Variants in CGNL1 observed in about 807,000 individuals in gnomAD.
The protein encoded by CGNL1 is cingulin like 1.
CGNL1 carries 132 observed loss-of-function variants against 141.2 expected under a neutral mutation model. The ratio of observed to expected loss-of-function variants is 0.93; its 90% confidence interval spans 0.81 to 1.08. The LOEUF (loss-of-function observed/expected upper bound fraction) is 1.08. CGNL1 is among the 50% of genes least tolerant of loss of function. CGNL1 has a pLI of 0.00. For synonymous variants in CGNL1, 690 were observed against 622.1 expected (o/e 1.11, Z -1.63); for missense variants, 1,870 against 1,588.6 (o/e 1.18, Z -3.01).
At position 57,523,584 on chromosome 15, in the gene CGNL1, C is replaced by T. The variant is rs150883802; in HGVS notation, c.2811C>T (p.Asn937=). Residue 937 remains asparagine (N), a synonymous_variant, in exon 11 of 19, where the codon AAC becomes AAT. Transcript: ENST00000281282. ...EQKEQLRRLK[N]EMENERWHLG... Reference sequence around the variant, plus strand: ...AGGAGCAGCTAAGAAGGTTGAAGAACGAGATGGAGAATGAGCGGTGGCACC... The same window carrying T: ...AGGAGCAGCTAAGAAGGTTGAAGAATGAGATGGAGAATGAGCGGTGGCACC... 17,307 of 1,613,992 alleles carry T rather than the reference C, an allele frequency of 0.011. 143 individuals carry two copies. The highest frequency in any genetic ancestry group is 0.016 in the Middle Eastern group (99 of 6,062).
chr15:57,431,868 T>C (rs1210055760), intron 1 of CGNL1, among the ~76,000 whole-genome samples: 1 of 152,212 alleles, frequency 6.6e-6, no homozygotes, highest in Non-Finnish European at 1.5e-5. Context: ...TTTTAGCTCA[T>C]GTTTATCATC....
chr15:57,414,681 A>ACAACAACAACAAC (rs56102001), intron 1 of CGNL1, among the ~76,000 whole-genome samples: 3 of 136,956 alleles, frequency 2.2e-5, no homozygotes, highest in Non-Finnish European at 4.9e-5. Flanking sequence ...AACAACAACA[A>ACAACAACAACAAC]ACCAACAAAA....
intron 1 of CGNL1, among the ~76,000 whole-genome samples, chr15:57,390,601 C>T (rs2062531843): frequency 6.6e-6 from 1 of 152,168 alleles, no homozygotes; most frequent in East Asian, 1.9e-4. Context: ...CGGAAGAGAG[C>T]AGTTTGGGCC....
intron 1 of CGNL1, among the ~76,000 whole-genome samples, chr15:57,420,492 G>T (rs970417941): frequency 2.0e-5 from 3 of 152,192 alleles, no homozygotes; most frequent in Non-Finnish European, 4.4e-5. Context: ...CACTCCAGCA[G>T]TAAGCAGACT....
intron 1 of CGNL1, among the ~76,000 whole-genome samples, chr15:57,408,683 T>C (rs1247982142): frequency 1.3e-5 from 2 of 152,056 alleles, no homozygotes; most frequent in East Asian, 3.9e-4. Flanking sequence ...TTAGTGTCCT[T>C]TTCTGTCAAT....
At chr15:57,448,552 G>T (rs748081716) in intron 4 of CGNL1, among the ~76,000 whole-genome samples, 2 of 152,028 alleles carry the variant, frequency 1.3e-5, no homozygotes, top group Non-Finnish European at 2.9e-5. Flanking sequence ...GGAGGCTGAG[G>T]CAGGAGAATT....
chr15:57,460,820 A>G (rs1187522757), intron 7 of CGNL1, among the ~76,000 whole-genome samples: 21 of 152,168 alleles, frequency 1.4e-4, no homozygotes, highest in Non-Finnish European at 2.9e-5. Flanking sequence ...GAGCCAAACC[A>G]TGTCAATAAC....
At chr15:57,409,686 T>C (rs1430108009) in intron 1 of CGNL1, among the ~76,000 whole-genome samples, 1 of 152,162 alleles carries the variant, frequency 6.6e-6, no homozygotes, top group Non-Finnish European at 1.5e-5. Flanking sequence ...AGTTGACTGA[T>C]GCCATGTTCC....
intron 1 of CGNL1, among the ~76,000 whole-genome samples, chr15:57,384,583 AATT>A (rs1388033906): frequency 2.0e-5 from 3 of 152,168 alleles, no homozygotes; most frequent in Non-Finnish European, 1.5e-5. Context: ...TTCTTCAACA[AATT>A]ATTGATAGCC....
chr15:57,389,919 G>A (rs1034300617), intron 1 of CGNL1, among the ~76,000 whole-genome samples: 2 of 151,912 alleles, frequency 1.3e-5, no homozygotes, highest in East Asian at 1.9e-4. Context: ...GGGTCCAAGC[G>A]ATTCTTCTAT....
chr15:57,475,723 A>C (rs1465335523), intron 8 of CGNL1, among the ~76,000 whole-genome samples: 1 of 151,952 alleles, frequency 6.6e-6, no homozygotes, highest in Non-Finnish European at 1.5e-5. Flanking sequence ...GTCTTTTCTG[A>C]CCTGCTGTCC....
At chr15:57,458,702 AAGCAAC>A (rs2063409434) in intron 7 of CGNL1, among the ~76,000 whole-genome samples, 1 of 152,184 alleles carries the variant, frequency 6.6e-6, no homozygotes, top group African/African-American at 2.4e-5. Flanking sequence ...GGGTAGCCGG[AAGCAAC>A]AGTAATTCAG....
chr15:57,422,230 T>C (rs1235931026), intron 1 of CGNL1, among the ~76,000 whole-genome samples: 1 of 152,080 alleles, frequency 6.6e-6, no homozygotes, highest in Non-Finnish European at 1.5e-5. Flanking sequence ...TTTTTTTTTT[T>C]TCTTTTATTG....
chr15:57,503,235 C>G (rs1283208706), intron 8 of CGNL1, among the ~76,000 whole-genome samples: 1 of 152,216 alleles, frequency 6.6e-6, no homozygotes, highest in Non-Finnish European at 1.5e-5. Context: ...GGCCTTCCTC[C>G]TACTCCTGAT....
At chr15:57,386,842 G>A (rs2062489744) in intron 1 of CGNL1, among the ~76,000 whole-genome samples, 1 of 152,162 alleles carries the variant, frequency 6.6e-6, no homozygotes, top group African/African-American at 2.4e-5. Context: ...TGTAGCTTGT[G>A]TATTTTTACT....
chr15:57,450,083 C>G (rs903633442), intron 4 of CGNL1, among the ~76,000 whole-genome samples: 2 of 152,288 alleles, frequency 1.3e-5, no homozygotes, highest in South Asian at 4.1e-4. Context: ...CAGAGGGCAG[C>G]TTCTGGGTTG....
intron 7 of CGNL1, among the ~76,000 whole-genome samples, chr15:57,459,757 C>G (rs2152331207): frequency 6.6e-6 from 1 of 152,266 alleles, no homozygotes; most frequent in East Asian, 1.9e-4. Context: ...AAGTCAAAGT[C>G]CTGCCAAGTT....
intron 4 of CGNL1, among the ~76,000 whole-genome samples, chr15:57,449,123 T>C (rs1043913309): frequency 6.6e-6 from 1 of 152,228 alleles, no homozygotes; most frequent in East Asian, 1.9e-4. Context: ...CTCCCTAGCA[T>C]TGGGCAACCT....
At chr15:57,513,371 T>C (rs1218965143) in intron 8 of CGNL1, among the ~76,000 whole-genome samples, 1 of 152,048 alleles carries the variant, frequency 6.6e-6, no homozygotes, top group Non-Finnish European at 1.5e-5. Flanking sequence ...TTTCATTCCT[T>C]TGAATGGCCA....
Sources: gnomAD v4.1 joint callset for allele counts (sites outside exome capture counted in the v4.1 genomes callset) on GRCh38, gnomAD v4.1.1 for gene constraint, MANE v1.5 for transcripts, NCBI Gene and HGNC (gene_info 2026-07-23, HGNC 2026-07-21) for gene names.